Variants in SLC19A1 observed in about 807,000 individuals in gnomAD.
The protein encoded by SLC19A1 is solute carrier family 19 member 1.
In SLC19A1, 37 loss-of-function variants were observed where a neutral mutation model predicts 35.3. The ratio of observed to expected loss-of-function variants is 1.05; its 90% CI spans 0.81 to 1.38. SLC19A1 has a LOEUF of 1.38. Ranked by LOEUF, SLC19A1 falls within the 40% of genes most tolerant of loss-of-function variation. The pLI is 0.00. For missense variants in SLC19A1, 831 were observed against 826.9 expected (o/e 1.00, Z -0.06); for synonymous variants, 460 against 398.5 (o/e 1.15, Z -1.84).
At position 45,531,701 on chromosome 21, in the gene SLC19A1, T is replaced by G; in HGVS notation, c.637A>C (p.Asn213His). 6.2e-7 allele frequency: 1 copy of G among 1,612,722 alleles called. No individual in the cohort carries two copies. Among genetic ancestry groups the G allele is most frequent in the Non-Finnish European group, 8.5e-7 (1 of 1,179,738 alleles). ...TCGCACCGCCCCCGGTCGTCGCGGTTGAAGAAGAGGCTGCGCTTGGGGCGC... is the reference window on the plus strand; with the variant it reads ...TCGCACCGCCCCCGGTCGTCGCGGTGGAAGAAGAGGCTGCGCTTGGGGCGC... ...LKRPKRSLFF[N>H]RDDRGRCETS... is the part of the protein sequence containing the mutation. The change falls in exon 3 of 6, where the codon AAC becomes CAC. Residue 213 changes from asparagine (N) to histidine (H), a missense_variant. Coordinates refer to ENST00000311124, the MANE Select transcript of SLC19A1 (RefSeq NM_194255.4).
intron 3 of SLC19A1, chr21:45,505,503 G>T: frequency 1.2e-6 from 1 of 815,532 alleles, no homozygotes; most frequent in South Asian, 1.4e-5. Flanking sequence ...CTGCCCCTCA[G>T]AGACACTCTC....
downstream of SLC19A1, chr21:45,510,375 C>T: frequency 1.6e-6 from 2 of 1,225,672 alleles, no homozygotes; most frequent in Middle Eastern, 2.1e-4. Flanking sequence ...ATGTTACAGA[C>T]ACTGGCGCCT....
chr21:45,555,700 C>T (rs1472439265), intron 1 of SLC19A1, among the ~76,000 whole-genome samples: 13 of 151,996 alleles, frequency 8.6e-5, no homozygotes, highest in Admixed American at 7.2e-4. Context: ...GGCCCTGGGA[C>T]CGTAGCCTCC....
In SLC19A1 at chr21:45,531,897, C is replaced by T; in HGVS notation, c.441G>A (p.Ala147=). The T allele has an allele frequency of 1.3e-6, 2 of 1,588,716 alleles. No individual in the cohort carries two copies. The highest frequency in any genetic ancestry group is 1.7e-6 in the Non-Finnish European group (2 of 1,168,306). The change falls in exon 3 of 6, where the codon GCG becomes GCA. Residue 147 remains alanine (A), a synonymous_variant. Transcript: ENST00000311124. The stretch of plus-strand genomic sequence containing the variant: ...AGTAGCCGGCCACACGCTGGTAGCG[C>T]GCGGGCCGCACGAGAGAGAAGATGT... ...SSYIFSLVRP[A]RYQRVAGYSR... is the part of the protein sequence containing the mutation.
intron 5 of SLC19A1, among the ~76,000 whole-genome samples, chr21:45,519,028 C>T (rs2077358914): frequency 6.6e-6 from 1 of 152,084 alleles, no homozygotes; most frequent in South Asian, 2.1e-4. Flanking sequence ...GCAAAAATTA[C>T]AATATTTTCT....
In SLC19A1 at chr21:45,533,489, T is replaced by C. The variant is rs1459589306; in HGVS notation, c.190-1341A>G. On this transcript the variant is annotated intron_variant, in intron 2 of 5. Coordinates refer to ENST00000311124, the MANE Select transcript of SLC19A1 (RefSeq NM_194255.4). This position sits in a 1 kb window ranked among gnomAD's most constrained non-coding sequence, Gnocchi z 4.5. ...CCAAGCCGCTTGCCTTGCCCCTCCC[T>C]GGGGACTGATGTGGGAGCCACCCTA... Among the ~76,000 whole-genome samples the C allele has an allele frequency of 6.6e-6, 1 of 152,090 alleles. No individual in the cohort carries two copies. The highest frequency in any genetic ancestry group is 1.5e-5 in the Non-Finnish European group (1 of 67,982).
downstream of SLC19A1, among the ~76,000 whole-genome samples, chr21:45,508,386 C>A (rs2037365109): frequency 8.3e-6 from 1 of 121,122 alleles, no homozygotes; most frequent in African/African-American, 3.5e-5. Flanking sequence ...GGATGGTGGG[C>A]AGATGGATGG....
At chr21:45,551,340 T>C (rs2078464849) in intron 1 of SLC19A1, among the ~76,000 whole-genome samples, 1 of 152,210 alleles carries the variant, frequency 6.6e-6, no homozygotes, top group Non-Finnish European at 1.5e-5. Flanking sequence ...CCTGTTGACT[T>C]TGTTGTTCCT....
intron 5 of SLC19A1, among the ~76,000 whole-genome samples, chr21:45,523,596 C>T (rs2077503113): frequency 6.6e-6 from 1 of 152,208 alleles, no homozygotes; most frequent in African/African-American, 2.4e-5. Flanking sequence ...GGGGAGCACA[C>T]GCACAGAGTC....
Position 45,505,379 on chromosome 21 carries a change from C to CGGGCCCCCCT in SLC19A1, c.498-6777_498-6768dup, listed in dbSNP as rs768949300. 2 of 1,594,456 alleles carry CGGGCCCCCCT rather than the reference C, an allele frequency of 1.3e-6. No individual in the cohort carries two copies. Among genetic ancestry groups the CGGGCCCCCCT allele is most frequent in the African/African-American group, 1.3e-5 (1 of 74,712 alleles). On this transcript the variant is annotated intron_variant, in intron 3 of 4. Transcript: ENST00000417954. Reference sequence around the variant, plus strand: ...GCAGCTATCAGCGTTCCCGGCCCTCCGGGCCCCCCTGGGCCCCCTGGGCCC... The same window carrying CGGGCCCCCCT: ...GCAGCTATCAGCGTTCCCGGCCCTCCGGGCCCCCCTGGGCCCCCCTGGGCCCCCTGGGCCC...
chr21:45,505,359 T>A (rs1314347964), intron 3 of SLC19A1: 1 of 1,587,256 alleles, frequency 6.3e-7, no homozygotes, highest in Non-Finnish European at 8.6e-7. Flanking sequence ...CTCCTGCAGC[T>A]ATCAGCGTTC....
At chr21:45,529,484 G>A (rs558078594) in intron 4 of SLC19A1, among the ~76,000 whole-genome samples, 65 of 152,318 alleles carry the variant, frequency 4.3e-4, no homozygotes, top group African/African-American at 1.4e-3. Flanking sequence ...GGAAAGAGGG[G>A]GCAGGTCCAG....
intron 3 of SLC19A1, among the ~76,000 whole-genome samples, chr21:45,503,673 T>C (rs1025662581): frequency 1.4e-5 from 2 of 147,774 alleles, no homozygotes; most frequent in South Asian, 2.2e-4. Flanking sequence ...CATTGGGAGA[T>C]ATACCTAATG....
chr21:45,523,590 A>G (rs1364667861), intron 5 of SLC19A1, among the ~76,000 whole-genome samples: 4 of 152,322 alleles, frequency 2.6e-5, no homozygotes, highest in African/African-American at 9.6e-5. Flanking sequence ...GCTACAGGGG[A>G]GCACACGCAC....
chr21:45,549,779 T>G (rs2078447937), intron 1 of SLC19A1, among the ~76,000 whole-genome samples: 1 of 18,586 alleles, frequency 5.4e-5, no homozygotes, highest in Non-Finnish European at 9.9e-5. Flanking sequence ...GGGGGACACT[T>G]GGCGGATTGT....
intron 1 of SLC19A1, among the ~76,000 whole-genome samples, chr21:45,558,298 G>A (rs1235860404): frequency 6.6e-6 from 1 of 152,250 alleles, no homozygotes; most frequent in South Asian, 2.1e-4. Context: ...CCTCAGCTGG[G>A]ACTCGGACAT....
upstream of SLC19A1, chr21:45,544,531 C>G (rs1269484120): frequency 6.5e-6 from 1 of 154,086 alleles, no homozygotes; most frequent in East Asian, 1.9e-4. Flanking sequence ...TGGGCCCTCA[C>G]GAGCCTCCAG....
rs776887675 is a variant in SLC19A1, at chr21:45,531,632, C to T, written c.706G>A (p.Gly236Arg). The change falls in exon 3 of 6, where the codon GGG (glycine) becomes AGG (arginine). Residue 236 changes from glycine to arginine, a missense_variant. Coordinates refer to ENST00000311124, the MANE Select transcript of SLC19A1 (RefSeq NM_194255.4). ...ACCCGCAGGGCGTGTCCCAGCTTCC[C>T]GCCTGGGCCAGGATTCATGCGCTCC... is the stretch of plus-strand genomic sequence containing the variant. ...ELERMNPGPG[G>R]KLGHALRVAC... The T allele has an allele frequency of 3.1e-6, 5 of 1,612,136 alleles. No homozygotes were observed. The highest frequency in any genetic ancestry group is 1.7e-5 in the Admixed American group (1 of 59,968).
At chr21:45,509,380 C>A, downstream of SLC19A1, 3 of 1,541,426 alleles carry the variant, frequency 1.9e-6, no homozygotes, top group Non-Finnish European at 2.6e-6. Flanking sequence ...CGCCTTGCAG[C>A]CCCCCGTGGT....
Sources: allele counts gnomAD v4.1 joint callset (sites outside exome capture counted in the v4.1 genomes callset), GRCh38; gene constraint gnomAD v4.1.1; non-coding constraint Gnocchi (gnomAD v3.1); transcripts MANE v1.5; gene names NCBI Gene and HGNC (gene_info 2026-07-23, HGNC 2026-07-21).